SIPA1L1: variants seen among roughly 807,000 people sequenced by gnomAD.
The protein encoded by SIPA1L1 is signal induced proliferation associated 1 like 1.
A neutral mutation model predicts 162.7 loss-of-function variants in SIPA1L1; 26 were observed. The ratio of observed to expected loss-of-function variants is 0.16; its 90% CI spans 0.12 to 0.22. The LOEUF (loss-of-function observed/expected upper bound fraction) is 0.22, where lower values mean the gene tolerates loss of function less well. SIPA1L1 is among the 10% of genes least tolerant of loss of function. The pLI is 1.00. For synonymous variants in SIPA1L1, 829 were observed against 837.4 expected, an observed-to-expected ratio of 0.99 and a Z score of 0.17; for missense variants, 1,874 against 2,241.0, an observed-to-expected ratio of 0.84 and a Z score of 3.31.
At chr14:71,559,087 G>A (rs1445280794) in intron 4 of SIPA1L1, among the ~76,000 whole-genome samples, 1 of 145,934 alleles carries the variant, frequency 6.9e-6, no homozygotes, top group Non-Finnish European at 1.5e-5. Flanking sequence ...TTTTTCTTGA[G>A]ATGGAGTCAC....
rs763641680 is a variant in SIPA1L1 at position 71,682,022 on chromosome 14, G to A, written c.3105-3340G>A. Among the ~76,000 whole-genome samples the A allele has an allele frequency of 3.7e-4, 56 of 152,250 alleles. No individual in the cohort carries two copies. The East Asian group carries it at 5.8e-3, about 16-fold the overall frequency. ...TTCCTTGGAGAATTGGAATGGTTTC[G>A]TTAATGGCTAAAATAAGACTAACTT... is the stretch of plus-strand genomic sequence containing the variant. On this transcript the variant is annotated intron_variant, in intron 12 of 23. Transcript: ENST00000381232.
chr14:71,384,855 G>A (rs999298810), intron 2 of SIPA1L1, among the ~76,000 whole-genome samples: 3 of 152,154 alleles, frequency 2.0e-5, no homozygotes, highest in Non-Finnish European at 2.9e-5. Flanking sequence ...AGATCGGTAG[G>A]GACTTTCAGC....
intron 1 of SIPA1L1, 149 bp downstream of exon 1, chr14:71,320,652 C>G (rs1203961195): frequency 6.8e-6 from 1 of 147,720 alleles, no homozygotes; most frequent in African/African-American, 2.5e-5. Flanking sequence ...GGCCTTCCCG[C>G]CCCCGTCCGC....
At chr14:71,648,924 T>G (rs2149052485) in intron 7 of SIPA1L1, among the ~76,000 whole-genome samples, 1 of 152,380 alleles carries the variant, frequency 6.6e-6, no homozygotes, top group African/African-American at 2.4e-5. Context: ...TCTTGCATTC[T>G]CTGATCTCTT....
In SIPA1L1 at chr14:71,588,833, T is replaced by C; in HGVS notation, c.961T>C (p.Ser321Pro). 1 of 1,614,084 alleles carries C rather than the reference T, an allele frequency of 6.2e-7. No homozygotes were observed. Among genetic ancestry groups the C allele is most frequent in the Non-Finnish European group, 8.5e-7 (1 of 1,179,988 alleles). Residue 321 changes from serine (S) to proline (P), a missense_variant, in exon 5 of 24, where the codon TCT (serine) becomes CCT (proline). Coordinates refer to ENST00000381232, the MANE Select transcript of SIPA1L1 (RefSeq NM_001386936.1). This position sits in a 1 kb window ranked among gnomAD's most constrained non-coding sequence, Gnocchi z 4.3. ...TCTTGAAGATAACCGATCAGAAGAC[T>C]CTGTCAGGCCCTGGACATGTCCAAA... Reference protein sequence around the residue: ...SDLEDNRSEDSVRPWTCPKCF... With the variant: ...SDLEDNRSEDPVRPWTCPKCF...
chr14:71,467,068 T>C (rs2047059894), intron 2 of SIPA1L1: 1 of 152,226 alleles, frequency 6.6e-6, no homozygotes, highest in African/African-American at 2.4e-5. Flanking sequence ...CCTGCCTGCT[T>C]GGAACAACAC....
At chr14:71,568,279 C>A (rs1287276987) in intron 4 of SIPA1L1, among the ~76,000 whole-genome samples, 1 of 152,136 alleles carries the variant, frequency 6.6e-6, no homozygotes, top group African/African-American at 2.4e-5. Flanking sequence ...ACCCTTAATC[C>A]TAAGGGTTGT....
intron 2 of SIPA1L1, chr14:71,330,293 T>C (rs1391811626): frequency 1.4e-6 from 1 of 739,988 alleles, no homozygotes; most frequent in Non-Finnish European, 2.5e-6. Context: ...CTAGTTAGCA[T>C]GTTGTGGGAG....
intron 4 of SIPA1L1, among the ~76,000 whole-genome samples, chr14:71,581,028 T>A (rs775215910): frequency 6.6e-6 from 1 of 152,222 alleles, no homozygotes; most frequent in African/African-American, 2.4e-5. Flanking sequence ...TAATGTATTT[T>A]CAGTTTTTTA....
chr14:71,642,781 GT>G (rs2041839478), intron 7 of SIPA1L1, among the ~76,000 whole-genome samples: 1 of 152,042 alleles, frequency 6.6e-6, no homozygotes, highest in Non-Finnish European at 1.5e-5. Context: ...TCTTTTTAAT[GT>G]TTAAGAAGCA....
At chr14:71,649,948 T>C (rs1197595968) in intron 7 of SIPA1L1, among the ~76,000 whole-genome samples, 1 of 152,196 alleles carries the variant, frequency 6.6e-6, no homozygotes, top group Non-Finnish European at 1.5e-5. Flanking sequence ...CCTCTGCTTT[T>C]AAATTTGTAA....
At chr14:71,339,953 G>A (rs1398093530) in intron 2 of SIPA1L1, among the ~76,000 whole-genome samples, 1 of 152,132 alleles carries the variant, frequency 6.6e-6, no homozygotes, top group African/African-American at 2.4e-5. Context: ...CTGAGTTGAG[G>A]CGTTATCTAA....
At chr14:71,554,003 C>T (rs533389942) in intron 4 of SIPA1L1, among the ~76,000 whole-genome samples, 1 of 152,190 alleles carries the variant, frequency 6.6e-6, no homozygotes, top group South Asian at 2.1e-4. Flanking sequence ...TGGAATATTC[C>T]GTTCAGTCCT....
At chr14:71,722,799 G>A (rs1008824173) in intron 17 of SIPA1L1, among the ~76,000 whole-genome samples, 1 of 152,188 alleles carries the variant, frequency 6.6e-6, no homozygotes, top group Non-Finnish European at 1.5e-5. Context: ...GCAGTGGCGT[G>A]ATCTTGGCTC....
At position 71,609,658 on chromosome 14, in the gene SIPA1L1, G is replaced by T. The variant is rs1275225327; in HGVS notation, c.1499-9099G>T. Among the ~76,000 whole-genome samples, 10 of 152,002 alleles carry T rather than the reference G, an allele frequency of 6.6e-5. No individual in the cohort carries two copies. In the South Asian group the frequency reaches 1.2e-3, roughly 19 times the overall value. ...GTTTTTGAATTTTTAGTGGAGAAGG[G>T]GTTTCACCATGTTGGCCAGGATGGT... On this transcript the variant is annotated intron_variant, in intron 5 of 23. Coordinates refer to ENST00000381232, the MANE Select transcript of SIPA1L1 (RefSeq NM_001386936.1).
intron 2 of SIPA1L1, among the ~76,000 whole-genome samples, chr14:71,437,657 T>C (rs984335963): frequency 6.6e-6 from 1 of 152,218 alleles, no homozygotes; most frequent in Admixed American, 6.5e-5. Flanking sequence ...ACACCGCGCC[T>C]GGCTTATTGT....
At chr14:71,426,175 G>T (rs1021997083) in intron 2 of SIPA1L1, among the ~76,000 whole-genome samples, 2 of 152,004 alleles carry the variant, frequency 1.3e-5, no homozygotes, top group African/African-American at 2.4e-5. Context: ...TCTATCAGAG[G>T]TTGTTTTTAT....
chr14:71,638,826 CA>C (rs1490545064), intron 7 of SIPA1L1, among the ~76,000 whole-genome samples: 4 of 152,270 alleles, frequency 2.6e-5, no homozygotes, highest in Non-Finnish European at 5.9e-5. Context: ...CATCAACTTA[CA>C]AAAATCAGTT....
In SIPA1L1 at chr14:71,661,374, A is replaced by G. The variant is rs539060480; in HGVS notation, c.2162A>G (p.Gln721Arg). ...VTIVFQEPGA[Q>R]PFSPKNIRSH... ...ATTGTTTTCCAAGAGCCTGGAGCACAGCCATTCAGCCCAAAAAACATCCGA... is the reference window on the plus strand; with the variant it reads ...ATTGTTTTCCAAGAGCCTGGAGCACGGCCATTCAGCCCAAAAAACATCCGA... Residue 721 changes from glutamine (Q) to arginine (R), a missense_variant, in exon 10 of 24, where the codon CAG (glutamine) becomes CGG (arginine). By Grantham distance (43) the Gln-to-Arg change is conservative. Around this residue, in one of 5 missense-constraint regions of SIPA1L1, gnomAD observed 243 missense variants for 315.0 expected, o/e 0.77. Coordinates refer to ENST00000381232, the MANE Select transcript of SIPA1L1 (RefSeq NM_001386936.1). The G allele has an allele frequency of 6.8e-6, 11 of 1,614,100 alleles. No individual in the cohort carries two copies. In the South Asian group the frequency reaches 7.7e-5, roughly 11 times the overall value.
Sources: gnomAD v4.1 joint callset for allele counts (sites outside exome capture counted in the v4.1 genomes callset) on GRCh38, gnomAD v4.1.1 for gene constraint, gnomAD v4.1.1 regional missense constraint, Gnocchi (gnomAD v3.1) non-coding constraint, MANE v1.5 for transcripts, NCBI Gene and HGNC (gene_info 2026-07-23, HGNC 2026-07-21) for gene names.